The following UPF2 variants were observed in gnomAD, a reference collection of about 807,000 sequenced individuals.
UPF2 encodes UPF2 regulator of nonsense mediated mRNA decay, also known as regulator of nonsense transcripts 2.
UPF2 carries 17 observed loss-of-function variants against 141.4 expected under a neutral mutation model. The observed-to-expected ratio is 0.12, with a 90% CI of 0.08 to 0.18. The LOEUF (loss-of-function observed/expected upper bound fraction) is 0.18, where lower values mean the gene tolerates loss of function less well. Among genes scored for constraint, UPF2 ranks in the 10% least tolerant of loss-of-function variants. UPF2 has a pLI of 1.00. For missense variants in UPF2, 1,152 were observed against 1,515.9 expected, an observed-to-expected ratio of 0.76 and a Z score of 3.99; for synonymous variants, 540 against 498.0, an observed-to-expected ratio of 1.08 and a Z score of -1.12.
intron 1 of UPF2, among the ~76,000 whole-genome samples, chr10:12,040,765 A>T (rs1432676232): frequency 6.6e-6 from 1 of 152,228 alleles, no homozygotes; most frequent in Middle Eastern, 3.2e-3. Flanking sequence ...CCACTTATTT[A>T]TCAATAAGAT....
intron 21 of UPF2, among the ~76,000 whole-genome samples, chr10:11,927,173 G>C (rs940796087): frequency 6.6e-6 from 1 of 152,196 alleles, no homozygotes; most frequent in East Asian, 1.9e-4. Context: ...GTACACGGAG[G>C]GAGGCAAATC....
chr10:11,952,461 C>T (rs11257445), intron 14 of UPF2, among the ~76,000 whole-genome samples: 8,850 of 143,942 alleles, frequency 0.061, 326 homozygotes, highest in Non-Finnish European at 0.087. Flanking sequence ...GGTGAATTTA[C>T]TAAATATCTT....
intron 10 of UPF2, among the ~76,000 whole-genome samples, chr10:11,966,715 C>T (rs764969456): frequency 2.6e-5 from 4 of 152,212 alleles, no homozygotes; most frequent in East Asian, 1.9e-4. Context: ...TGAGCCACCA[C>T]GCCCAGCCCT....
chr10:11,973,378 CTT>C (rs1475812156), intron 9 of UPF2, among the ~76,000 whole-genome samples: 1 of 152,182 alleles, frequency 6.6e-6, no homozygotes, highest in Non-Finnish European at 1.5e-5. Flanking sequence ...TGCAGAAGCT[CTT>C]TAGTTTAATT....
intron 8 of UPF2, among the ~76,000 whole-genome samples, chr10:11,996,605 A>G (rs1833868624): frequency 6.6e-6 from 1 of 152,292 alleles, no homozygotes; most frequent in South Asian, 2.1e-4. Context: ...CAGCCTCCCA[A>G]GGTGCTGGGA....
At position 11,943,178 on chromosome 10, in the gene UPF2, T is replaced by C. The variant is rs1213593362; in HGVS notation, c.3175-10A>G. The C allele has an allele frequency of 6.3e-7, 1 of 1,586,850 alleles. No individual in the cohort carries two copies. The highest frequency in any genetic ancestry group is 8.6e-7 in the Non-Finnish European group (1 of 1,161,052). On this transcript the variant is annotated splice_polypyrimidine_tract_variant and intron_variant, in intron 16 of 21. Transcript: ENST00000357604. ...CATTATCAGAACCCTCCTGAAATTATTGAACATTAGAAGATTAAATAACTT... is the reference window on the plus strand; with the variant it reads ...CATTATCAGAACCCTCCTGAAATTACTGAACATTAGAAGATTAAATAACTT...
At position 12,004,541 on chromosome 10, in the gene UPF2, T is replaced by C. The variant is rs1834004003; in HGVS notation, c.1493A>G (p.Asp498Gly). The C allele has an allele frequency of 4.3e-6, 7 of 1,611,472 alleles. No homozygotes were observed. Among genetic ancestry groups the C allele is most frequent in the Non-Finnish European group, 5.9e-6 (7 of 1,179,170 alleles). Residue 498 changes from aspartate to glycine, a missense_variant, in exon 5 of 22, where the codon GAT becomes GGT. Physicochemically the swap from Asp to Gly is moderately conservative, Grantham distance 94. This residue lies in a region of UPF2 where 739 missense variants were observed against 1,032.2 expected (regional missense o/e 0.72). Coordinates refer to ENST00000357604, the MANE Select transcript of UPF2 (RefSeq NM_015542.4). ...TCTCTAGAATTTACCTTTGGTATCATCTTTGTTGGACTCTTTATTCTGACA... is the reference window on the plus strand; with the variant it reads ...TCTCTAGAATTTACCTTTGGTATCACCTTTGTTGGACTCTTTATTCTGACA... ...KSCQNKESNK[D>G]DTKEAKESKE...
chr10:11,963,327 TATTCATTCATTC>T (rs112489937), intron 11 of UPF2, among the ~76,000 whole-genome samples: 2 of 144,760 alleles, frequency 1.4e-5, no homozygotes, highest in Non-Finnish European at 3.2e-5. Flanking sequence ...GCTGTGTGAG[TATTCATTCATTC>T]ATTCATTCAT....
rs1247569196 is a variant in UPF2, at chr10:12,001,892, A to T, written c.1505-67T>A. ...TGAAAATCCTGCTGCACAAAAGTAG[A>T]TTAAGACTCACAAAATCTGCAGGTT... On this transcript the variant is annotated intron_variant, in intron 5 of 21. Transcript: ENST00000357604. 8 of 1,405,408 alleles carry T rather than the reference A, an allele frequency of 5.7e-6. No individual in the cohort carries two copies. The African/African-American group carries it at 1.2e-4, about 21-fold the overall frequency. The allele number at this position is 1,405,408 out of a possible 1,614,324, so 87.1% of individuals were successfully genotyped here. A position where few individuals can be genotyped will look rare whatever the true frequency, so the allele number is the denominator to read the frequency against.
chr10:11,959,219 A>G lies in UPF2; in HGVS notation c.2322T>C (p.Tyr774=), dbSNP rs1833202531. ...VKKKRPPLQE[Y]VRKLLYKDLS... is the part of the protein sequence containing the mutation. ...GATCCTTGTACAAAAGTTTCCGGAC[A>G]TATTCCTGGAGAGGAGGACGTTTCT... Residue 774 remains tyrosine (Y), a synonymous_variant, in exon 12 of 22, where the codon TAT becomes TAC. Coordinates refer to ENST00000357604, the MANE Select transcript of UPF2 (RefSeq NM_015542.4). This position sits in a 1 kb window ranked among gnomAD's most constrained non-coding sequence, Gnocchi z 5.9. 1 of 1,612,180 alleles carries G rather than the reference A, an allele frequency of 6.2e-7. No individual in the cohort carries two copies. The highest frequency in any genetic ancestry group is 2.2e-5 in the East Asian group (1 of 44,850).
In UPF2 at chr10:11,921,310, A is replaced by G. The variant is rs1261828052; in HGVS notation, c.3810-3T>C. ...ACGTGCTGCTGGATCAACGTCTCCT[A>G]AAGGAACAAACAGGGTCACATCAGA... On this transcript the variant is annotated splice_region_variant and splice_polypyrimidine_tract_variant and intron_variant, in intron 21 of 21. Coordinates refer to ENST00000357604, the MANE Select transcript of UPF2 (RefSeq NM_015542.4). The surrounding 1 kb of genome is among the most constrained non-coding windows in gnomAD (Gnocchi z 5.9). 1.2e-6 allele frequency: 2 copies of G among 1,614,014 alleles called. No individual in the cohort carries two copies. Among genetic ancestry groups the G allele is most frequent in the African/African-American group, 2.7e-5 (2 of 74,904 alleles).
chr10:11,989,999 C>A lies in UPF2; in HGVS notation c.1844+7673G>T, dbSNP rs187698198. Among the ~76,000 whole-genome samples, 10 of 152,152 alleles carry A rather than the reference C, an allele frequency of 6.6e-5. No homozygotes were observed. The East Asian group carries it at 1.9e-3, about 29-fold the overall frequency. ...TCTCAGGAAAAGTAATGGCTCACAC[C>A]AATAAAGCTGAAAATAGTTTTTCAG... On this transcript the variant is annotated intron_variant, in intron 8 of 21. Transcript: ENST00000357604.
Position 11,979,441 on chromosome 10 carries a change from A to G in UPF2, c.1845-276T>C, listed in dbSNP as rs1307807180. Among the ~76,000 whole-genome samples, 2 of 152,208 alleles carry G rather than the reference A, an allele frequency of 1.3e-5. No individual in the cohort carries two copies. The highest frequency in any genetic ancestry group is 2.9e-5 in the Non-Finnish European group (2 of 68,036). ...GATGAAATATGAAACACCACACACAAAAAAACAGTATGTTTTGACACGACT... is the reference window on the plus strand; with the variant it reads ...GATGAAATATGAAACACCACACACAGAAAAACAGTATGTTTTGACACGACT... On this transcript the variant is annotated intron_variant, in intron 8 of 21. Transcript: ENST00000357604. The surrounding 1 kb of genome is among the most constrained non-coding windows in gnomAD (Gnocchi z 6.2).
chr10:12,008,554 C>T (rs991512591), intron 4 of UPF2, among the ~76,000 whole-genome samples: 19 of 149,716 alleles, frequency 1.3e-4, no homozygotes, highest in African/African-American at 1.5e-4. Flanking sequence ...CGCTTGAACC[C>T]GGGAGGCGGA....
intron 10 of UPF2, among the ~76,000 whole-genome samples, chr10:11,965,170 T>C (rs1833299339): frequency 6.6e-6 from 1 of 152,216 alleles, no homozygotes; most frequent in African/African-American, 2.4e-5. Context: ...TCTGTGGACA[T>C]ATTTATGATT....
chr10:11,931,789 GA>G lies in UPF2; in HGVS notation c.3547-8del, dbSNP rs1564334829. 2 of 1,584,298 alleles carry G rather than the reference GA, an allele frequency of 1.3e-6. No homozygotes were observed. The highest frequency in any genetic ancestry group is 2.7e-5 in the African/African-American group (2 of 72,860). On this transcript the variant is annotated splice_region_variant and splice_polypyrimidine_tract_variant and intron_variant, in intron 19 of 21. Coordinates refer to ENST00000357604, the MANE Select transcript of UPF2 (RefSeq NM_015542.4). The surrounding 1 kb of genome is among the most constrained non-coding windows in gnomAD (Gnocchi z 5.9). ...GTACATTAAGGATCTTAAACTGGGAGAAAATAACAAAGGAGTTACAAATAGT... is the reference window on the plus strand; with the variant it reads ...GTACATTAAGGATCTTAAACTGGGAGAAATAACAAAGGAGTTACAAATAGT...
chr10:12,008,629 C>CAA (rs60750390), intron 4 of UPF2, among the ~76,000 whole-genome samples: 52 of 74,914 alleles, frequency 6.9e-4, no homozygotes, highest in East Asian at 1.2e-3. Context: ...GACACCACCT[C>CAA]AAAAAAAAAA....
chr10:11,926,090 T>C (rs1056442118), intron 21 of UPF2, among the ~76,000 whole-genome samples: 9 of 152,168 alleles, frequency 5.9e-5, no homozygotes, highest in African/African-American at 1.9e-4. Context: ...GCTTGACCCA[T>C]GGTCTTGGCT....
intron 21 of UPF2, among the ~76,000 whole-genome samples, chr10:11,928,200 C>T (rs1032739775): frequency 6.6e-5 from 10 of 151,866 alleles, no homozygotes; most frequent in Admixed American, 2.0e-4. Flanking sequence ...TCCAGGCGTG[C>T]TGGGTGGGCA....
Sources: allele counts gnomAD v4.1 joint callset (sites outside exome capture counted in the v4.1 genomes callset), GRCh38; gene constraint gnomAD v4.1.1; regional missense constraint gnomAD v4.1.1; non-coding constraint Gnocchi (gnomAD v3.1); transcripts MANE v1.5; gene names NCBI Gene and HGNC (gene_info 2026-07-23, HGNC 2026-07-21).